The following LAMA2 variants were observed in gnomAD, a reference collection of about 807,000 sequenced individuals.
The protein encoded by LAMA2 is laminin subunit alpha 2, also known as laminin subunit alpha-2.
A neutral mutation model predicts 364.8 loss-of-function variants in LAMA2; 269 were observed. That is an observed-to-expected ratio of 0.74 (90% CI 0.67 to 0.82). The LOEUF (loss-of-function observed/expected upper bound fraction) is 0.82, where lower values mean the gene tolerates loss of function less well. LAMA2 is among the 40% of genes least tolerant of loss of function. The pLI is 0.00. For synonymous variants in LAMA2, 1,379 were observed against 1,370.6 expected (o/e 1.01, Z -0.14); for missense variants, 3,807 against 3,873.2 (o/e 0.98, Z 0.45).
chr6:128,996,110 G>C (rs1783924348), intron 1 of LAMA2, among the ~76,000 whole-genome samples: 1 of 152,194 alleles, frequency 6.6e-6, no homozygotes, highest in Non-Finnish European at 1.5e-5. Context: ...TGCTATGAAG[G>C]AATTAAACAA....
chr6:129,331,141 G>T (rs894735206), intron 29 of LAMA2, among the ~76,000 whole-genome samples: 1 of 152,068 alleles, frequency 6.6e-6, no homozygotes, highest in African/African-American at 2.4e-5. Flanking sequence ...CTCCCAAAGT[G>T]CTGGGACTAC....
intron 64 of LAMA2, 118 bp downstream of exon 64, chr6:129,514,713 T>C: frequency 1.2e-6 from 1 of 839,354 alleles, no homozygotes; most frequent in South Asian, 1.4e-5. Flanking sequence ...TTCCTAGCTT[T>C]AGAATCTGCT....
chr6:129,481,226 T>C, intron 54 of LAMA2, 37 bp from the exon 55 acceptor site: 1 of 1,562,792 alleles, frequency 6.4e-7, no homozygotes, highest in Non-Finnish European at 8.8e-7. Flanking sequence ...AATTTTCATT[T>C]CTAATGGTTT....
At chr6:129,298,279 T>C (rs1773331842) in intron 21 of LAMA2, among the ~76,000 whole-genome samples, 1 of 152,118 alleles carries the variant, frequency 6.6e-6, no homozygotes, top group African/African-American at 2.4e-5. Context: ...TCAAGAAAAG[T>C]CAAGGTGTTT....
rs766195364 is a variant in LAMA2 at position 129,204,785 on chromosome 6, T to C, written c.1782+11932T>C. On this transcript the variant is annotated intron_variant, in intron 12 of 64. Coordinates refer to ENST00000421865, the MANE Select transcript of LAMA2 (RefSeq NM_000426.4). ...TCATAATTTTCATTCTTGTTATATATATATAAAACAAATAAAAGGTGACTC... is the reference window on the plus strand; with the variant it reads ...TCATAATTTTCATTCTTGTTATATACATATAAAACAAATAAAAGGTGACTC... Among the ~76,000 whole-genome samples, 69 of 152,148 alleles carry C rather than the reference T, an allele frequency of 4.5e-4. 1 individual carries two copies. Among genetic ancestry groups the C allele is most frequent in the Non-Finnish European group, 2.6e-4 (18 of 68,036 alleles).
intron 1 of LAMA2, among the ~76,000 whole-genome samples, chr6:129,008,082 G>T (rs1784544432): frequency 6.6e-6 from 1 of 152,106 alleles, no homozygotes; most frequent in African/African-American, 2.4e-5. Flanking sequence ...CACCACACAG[G>T]GTAGTTCACT....
intron 59 of LAMA2, 121 bp downstream of exon 59, chr6:129,502,892 T>C (rs1205366320): frequency 9.1e-6 from 8 of 875,000 alleles, no homozygotes; most frequent in Non-Finnish European, 1.5e-5. Context: ...TTTTATTCAC[T>C]GAGTACAATA....
intron 40 of LAMA2, among the ~76,000 whole-genome samples, chr6:129,406,141 A>G (rs1780238402): frequency 2.6e-5 from 4 of 152,188 alleles, no homozygotes; most frequent in Admixed American, 2.6e-4. Flanking sequence ...ACCTCCAAGC[A>G]TAATTAAGAC....
intron 42 of LAMA2, 26 bp downstream of exon 42, chr6:129,438,788 G>C (rs1357388941): frequency 1.1e-5 from 13 of 1,145,554 alleles, no homozygotes; most frequent in Non-Finnish European, 1.5e-5. Flanking sequence ...ACTACCAACT[G>C]TGTCAGTTGA....
chr6:129,025,989 G>A (rs1785783915), intron 1 of LAMA2, among the ~76,000 whole-genome samples: 1 of 152,130 alleles, frequency 6.6e-6, no homozygotes, highest in African/African-American at 2.4e-5. Flanking sequence ...CACGAATCAG[G>A]TATGTATTTT....
In LAMA2 at chr6:129,401,220, A is replaced by G; in HGVS notation, c.5446-4A>G. On this transcript the variant is annotated splice_region_variant and splice_polypyrimidine_tract_variant and intron_variant, in intron 37 of 64. Transcript: ENST00000421865. Reference sequence around the variant, plus strand: ...TTTGATGTCTTGTTCATAATGGTCTACAGAAAAAGAAGGAGGCTGTTGAAA... The same window carrying G: ...TTTGATGTCTTGTTCATAATGGTCTGCAGAAAAAGAAGGAGGCTGTTGAAA... The G allele has an allele frequency of 6.5e-7, 1 of 1,544,038 alleles. No individual in the cohort carries two copies.
rs1301243594 is a variant in LAMA2 at position 129,454,249 on chromosome 6, C to T, written c.6668C>T (p.Thr2223Ile). ...GVGRVEYPDL[T>I]IDDSYWYRIV... Reference sequence around the variant, plus strand: ...GGACGTGTAGAGTACCCAGATTTGACTATTGATGACTCATATTGGTACCGT... The same window carrying T: ...GGACGTGTAGAGTACCCAGATTTGATTATTGATGACTCATATTGGTACCGT... The change falls in exon 47 of 65, where the codon ACT (threonine) becomes ATT (isoleucine). Residue 2223 changes from threonine to isoleucine, a missense_variant. By Grantham distance (89) the Thr-to-Ile change is moderately conservative (BLOSUM62 -1). This residue lies in a region of LAMA2 where 3,333 missense variants were observed against 3,345.7 expected (regional missense o/e 1.00). Coordinates refer to ENST00000421865, the MANE Select transcript of LAMA2 (RefSeq NM_000426.4). 12 of 1,611,850 alleles carry T rather than the reference C, an allele frequency of 7.4e-6. No homozygotes were observed. Among genetic ancestry groups the T allele is most frequent in the Non-Finnish European group, 1.0e-5 (12 of 1,178,402 alleles).
At chr6:128,915,297 A>C (rs761573545) in intron 1 of LAMA2, among the ~76,000 whole-genome samples, 15 of 152,338 alleles carry the variant, frequency 9.8e-5, no homozygotes, top group Non-Finnish European at 5.9e-5. Flanking sequence ...TCTTTAAAAA[A>C]ATACATACAC....
At position 129,200,420 on chromosome 6, in the gene LAMA2, G is replaced by A. The variant is rs1035153136; in HGVS notation, c.1782+7567G>A. On this transcript the variant is annotated intron_variant, in intron 12 of 64. Transcript: ENST00000421865. Reference sequence around the variant, plus strand: ...TATACATGTACACATATACATATACGTGTATATGTGTACACATATACATAT... The same window carrying A: ...TATACATGTACACATATACATATACATGTATATGTGTACACATATACATAT... Among the ~76,000 whole-genome samples the A allele has an allele frequency of 3.6e-4, 52 of 146,136 alleles. 2 individuals are homozygous for A. Among genetic ancestry groups the A allele is most frequent in the South Asian group, 3.2e-3 (15 of 4,682 alleles).
chr6:129,131,854 T>A (rs542595741), intron 4 of LAMA2, among the ~76,000 whole-genome samples: 1 of 152,340 alleles, frequency 6.6e-6, no homozygotes, highest in East Asian at 1.9e-4. Flanking sequence ...TCACCATCTG[T>A]GTACATCACA....
At chr6:129,270,020 A>G (rs1325337520) in intron 16 of LAMA2, among the ~76,000 whole-genome samples, 1 of 152,052 alleles carries the variant, frequency 6.6e-6, no homozygotes, top group Admixed American at 6.6e-5. Context: ...AAAATTTTTC[A>G]ATTTTCTCCA....
intron 1 of LAMA2, among the ~76,000 whole-genome samples, chr6:128,988,996 A>G (rs1045087683): frequency 6.6e-6 from 1 of 152,206 alleles, no homozygotes; most frequent in Non-Finnish European, 1.5e-5. Flanking sequence ...CCTGTAAAGA[A>G]TGGCAATGTT....
chr6:129,058,312 A>G (rs937066835), intron 2 of LAMA2, among the ~76,000 whole-genome samples: 8 of 152,226 alleles, frequency 5.3e-5, no homozygotes, highest in African/African-American at 1.9e-4. Flanking sequence ...TGTGAGACAC[A>G]TGGAGCTAAA....
At chr6:128,893,845 A>G (rs1186178565) in intron 1 of LAMA2, among the ~76,000 whole-genome samples, 2 of 152,106 alleles carry the variant, frequency 1.3e-5, no homozygotes, top group Non-Finnish European at 2.9e-5. Context: ...TAACTTTATG[A>G]AAAATAATTT....
Sources: gnomAD v4.1 joint callset for allele counts (sites outside exome capture counted in the v4.1 genomes callset) on GRCh38, gnomAD v4.1.1 for gene constraint, gnomAD v4.1.1 regional missense constraint, MANE v1.5 for transcripts, NCBI Gene and HGNC (gene_info 2026-07-23, HGNC 2026-07-21) for gene names.